Variants in APAF1 observed in about 807,000 individuals in gnomAD.
The protein encoded by APAF1 is apoptotic protease-activating factor 1.
A neutral mutation model predicts 152.4 loss-of-function variants in APAF1; 91 were observed. The observed-to-expected ratio is 0.60, with a 90% CI of 0.50 to 0.71. The LOEUF is 0.71. Ranked by LOEUF, APAF1 falls within the 30% of genes least tolerant of loss-of-function variation. The probability of loss-of-function intolerance (pLI) is 0.00; values close to 1 mark genes in which losing one functional copy is unlikely to be tolerated. For synonymous variants in APAF1, 484 were observed against 494.1 expected (o/e 0.98, Z 0.27); for missense variants, 1,283 against 1,472.0 (o/e 0.87, Z 2.10).
At chr12:98,683,322 C>G in intron 15 of APAF1, 48 bp downstream of exon 15, 1 of 1,576,978 alleles carries the variant, frequency 6.3e-7, no homozygotes, top group Non-Finnish European at 8.7e-7. Flanking sequence ...ATTCGTACAT[C>G]AGAGTATCTC....
chr12:98,659,332 C>T lies in APAF1; in HGVS notation c.699C>T (p.Arg233=), dbSNP rs1173800162. 6.2e-7 allele frequency: 1 copy of T among 1,614,070 alleles called. No homozygotes were observed. Among genetic ancestry groups the T allele is most frequent in the Non-Finnish European group, 8.5e-7 (1 of 1,180,042 alleles). Residue 233 remains arginine (R), a synonymous_variant, in exon 5 of 27, where the codon CGC becomes CGT. Coordinates refer to ENST00000551964, the MANE Select transcript of APAF1 (RefSeq NM_181861.2). ...AKDRLRILML[R]KHPRSLLILD... Reference sequence around the variant, plus strand: ...ACCGTCTCCGCATTCTGATGCTTCGCAAACACCCAAGGTACCGATGGTCAA... The same window carrying T: ...ACCGTCTCCGCATTCTGATGCTTCGTAAACACCCAAGGTACCGATGGTCAA...
In APAF1 at chr12:98,671,592, G is replaced by T; in HGVS notation, c.1666G>T (p.Gly556Ter). ...EFLSLNGHLL[G>*]RQPFPNIVQL... ...TTTATCTTTAAATGGACACCTTCTT[G>T]GACGACAGCCATTTCCTAATATTGT... is the stretch of plus-strand genomic sequence containing the variant. Residue 556 changes from glycine (G) to a stop codon, truncating the protein, a stop_gained, in exon 12 of 27, where the codon GGA becomes TGA. Coordinates refer to ENST00000551964, the MANE Select transcript of APAF1 (RefSeq NM_181861.2). LOFTEE classifies it high-confidence loss of function. 1 of 1,613,902 alleles carries T rather than the reference G, an allele frequency of 6.2e-7. No individual in the cohort carries two copies. Among genetic ancestry groups the T allele is most frequent in the Non-Finnish European group, 8.5e-7 (1 of 1,179,974 alleles).
chr12:98,674,892 C>T (rs2097684902), intron 12 of APAF1, among the ~76,000 whole-genome samples: 1 of 152,120 alleles, frequency 6.6e-6, no homozygotes, highest in Non-Finnish European at 1.5e-5. Flanking sequence ...TTTTTCTGGT[C>T]TGTATTCAGT....
rs575202612 is a variant in APAF1, at chr12:98,697,598, C to T, written c.2305-1810C>T. ...TGAGTATCAAAATGTGATTGTGGCT[C>T]ACAGAGCACTCGCAGCAGGGGACAG... On this transcript the variant is annotated intron_variant, in intron 16 of 26. Transcript: ENST00000551964. Among the ~76,000 whole-genome samples, 9 of 152,240 alleles carry T rather than the reference C, an allele frequency of 5.9e-5. No individual in the cohort carries two copies. In the South Asian group the frequency reaches 1.7e-3, roughly 28 times the overall value.
Position 98,708,595 on chromosome 12 carries a change from CAAAG to C in APAF1, c.2737_2740del (p.Lys913TyrfsTer7), listed in dbSNP as rs766072509. ...TTATCTCTTAATCAGCTCTGGGAGACAAAGAAAGTATGTAAGAACTCTGCTGTAA... is the reference window on the plus strand; with the variant it reads ...TTATCTCTTAATCAGCTCTGGGAGACAAAGTATGTAAGAACTCTGCTGTAA... On this transcript the variant is annotated frameshift_variant, in exon 20 of 27. Transcript: ENST00000551964. LOFTEE classifies it high-confidence loss of function. 20 of 1,612,928 alleles carry C rather than the reference CAAAG, an allele frequency of 1.2e-5. No homozygotes were observed. The highest frequency in any genetic ancestry group is 3.3e-5 in the South Asian group (3 of 91,004).
At chr12:98,660,968 A>G (rs551002131) in intron 5 of APAF1, among the ~76,000 whole-genome samples, 6 of 152,292 alleles carry the variant, frequency 3.9e-5, no homozygotes, top group African/African-American at 1.4e-4. Flanking sequence ...TTATGGTGCA[A>G]TCTCTGCTCA....
intron 16 of APAF1, among the ~76,000 whole-genome samples, chr12:98,690,317 A>G (rs1270364998): frequency 6.6e-6 from 1 of 152,134 alleles, no homozygotes; most frequent in Non-Finnish European, 1.5e-5. Flanking sequence ...ATTCTTAGGT[A>G]GAATATTCAG....
chr12:98,678,518 T>C (rs1254937147), intron 13 of APAF1, among the ~76,000 whole-genome samples: 2 of 152,206 alleles, frequency 1.3e-5, no homozygotes, highest in Admixed American at 1.3e-4. Flanking sequence ...CCTGCCCTCC[T>C]GGGTGTAGCT....
At position 98,677,286 on chromosome 12, in the gene APAF1, T is replaced by C. The variant is rs907252091; in HGVS notation, c.1794-139T>C. 4.8e-5 allele frequency: 40 copies of C among 834,542 alleles called. No homozygotes were observed. In the East Asian group the frequency reaches 8.9e-4, roughly 18 times the overall value. 51.7% of individuals were successfully genotyped at this position (834,542 alleles called of 1,614,324 possible). ...TTGGTGATCTGTGCTGTCATTTGCA[T>C]GTTAGTAATCTGATTTTAAGAATTT... On this transcript the variant is annotated intron_variant, in intron 12 of 26. Coordinates refer to ENST00000551964, the MANE Select transcript of APAF1 (RefSeq NM_181861.2).
At position 98,667,518 on chromosome 12, in the gene APAF1, A is replaced by G; in HGVS notation, c.1368A>G (p.Leu456=). The change falls in exon 10 of 27, where the codon CTA becomes CTG. Residue 456 remains leucine, a synonymous_variant. Transcript: ENST00000551964. ...TEKNCSQLQD[L]HKKIITQFQR... ...AACGTTTCATTGGGTTGCAGGATCT[A>G]CATAAGAAGATAATCACTCAGTTTC... is the stretch of plus-strand genomic sequence containing the variant. 1 of 1,613,814 alleles carries G rather than the reference A, an allele frequency of 6.2e-7. No individual in the cohort carries two copies. Among genetic ancestry groups the G allele is most frequent in the Non-Finnish European group, 8.5e-7 (1 of 1,179,932 alleles).
chr12:98,681,433 T>C (rs999357469), intron 14 of APAF1, among the ~76,000 whole-genome samples: 2 of 152,186 alleles, frequency 1.3e-5, no homozygotes, highest in Non-Finnish European at 2.9e-5. Flanking sequence ...GCATTTATAC[T>C]AATATAGAAT....
chr12:98,674,274 G>A (rs1264189915), intron 12 of APAF1, among the ~76,000 whole-genome samples: 1 of 152,138 alleles, frequency 6.6e-6, no homozygotes, highest in Non-Finnish European at 1.5e-5. Flanking sequence ...TTACAGGCAT[G>A]AGCCACCACA....
chr12:98,672,579 C>G (rs1249185285), intron 12 of APAF1, among the ~76,000 whole-genome samples: 1 of 151,974 alleles, frequency 6.6e-6, no homozygotes, highest in African/African-American at 2.4e-5. Flanking sequence ...TTAAAGGAGT[C>G]TCTTTTGCTC....
At chr12:98,649,731 G>A (rs772431433) in intron 4 of APAF1, 47 bp downstream of exon 4, 2 of 1,512,324 alleles carry the variant, frequency 1.3e-6, no homozygotes, top group East Asian at 2.3e-5. Flanking sequence ...AGATAGACAT[G>A]TAAAAATATT....
At position 98,671,670 on chromosome 12, in the gene APAF1, C is replaced by T; in HGVS notation, c.1744C>T (p.Leu582=). Residue 582 remains leucine, a synonymous_variant, in exon 12 of 27, where the codon CTG becomes TTG. Coordinates refer to ENST00000551964, the MANE Select transcript of APAF1 (RefSeq NM_181861.2). ...TTCAGAAGTTTATCAGCAAGCTAAG[C>T]TGCAGGCCAAGCAGGAGGTCGATAA... is the stretch of plus-strand genomic sequence containing the variant. The part of the protein sequence containing the change: ...ETSEVYQQAK[L]QAKQEVDNGM... 1 of 1,613,984 alleles carries T rather than the reference C, an allele frequency of 6.2e-7. No individual in the cohort carries two copies. The highest frequency in any genetic ancestry group is 1.7e-5 in the Admixed American group (1 of 60,002).
At position 98,699,449 on chromosome 12, in the gene APAF1, T is replaced by A. The variant is rs772678360; in HGVS notation, c.2346T>A (p.Asn782Lys). The A allele has an allele frequency of 6.2e-7, 1 of 1,614,138 alleles. No individual in the cohort carries two copies. Among genetic ancestry groups the A allele is most frequent in the South Asian group, 1.1e-5 (1 of 91,078 alleles). The change falls in exon 17 of 27, where the codon AAT becomes AAA. Residue 782 changes from asparagine to lysine, a missense_variant. Asn to Lys is a moderately conservative substitution (Grantham distance 94). Transcript: ENST00000551964. Reference sequence around the variant, plus strand: ...CAGCAAATGAGAGGAAAAGCATTAATGTGAAACAGTTCTTCCTAAATTTGG... The same window carrying A: ...CAGCAAATGAGAGGAAAAGCATTAAAGTGAAACAGTTCTTCCTAAATTTGG... ...ATSANERKSI[N>K]VKQFFLNLED...
intron 16 of APAF1, among the ~76,000 whole-genome samples, chr12:98,697,818 C>G (rs1407107533): frequency 6.6e-6 from 1 of 152,190 alleles, no homozygotes; most frequent in Non-Finnish European, 1.5e-5. Flanking sequence ...AGGATGAAAA[C>G]TGTAAAATTA....
intron 22 of APAF1, among the ~76,000 whole-genome samples, chr12:98,717,989 C>T (rs1435943368): frequency 1.3e-5 from 2 of 152,114 alleles, no homozygotes; most frequent in African/African-American, 2.4e-5. Flanking sequence ...ACCTGGCTGG[C>T]AGGTTCTCAG....
chr12:98,670,335 G>C (rs1279125924), intron 10 of APAF1, among the ~76,000 whole-genome samples: 2 of 152,132 alleles, frequency 1.3e-5, no homozygotes, highest in Admixed American at 1.3e-4. Flanking sequence ...TTACCGGTGA[G>C]ATTTTGGCCA....
Sources: gnomAD v4.1 joint callset for allele counts (sites outside exome capture counted in the v4.1 genomes callset) on GRCh38, gnomAD v4.1.1 for gene constraint, MANE v1.5 for transcripts, NCBI Gene and HGNC (gene_info 2026-07-23, HGNC 2026-07-21) for gene names.